The following GBE1 variants were observed in gnomAD, a reference collection of about 807,000 sequenced individuals.
GBE1 encodes 1,4-alpha-glucan-branching enzyme.
GBE1 carries 70 observed loss-of-function variants against 88.8 expected under a neutral mutation model. The observed-to-expected ratio is 0.79, with a 90% CI of 0.65 to 0.96. The LOEUF is 0.96. Ranked by LOEUF, GBE1 falls within the 40% of genes least tolerant of loss-of-function variation. GBE1 has a pLI of 0.00. For missense variants in GBE1, 872 were observed against 871.0 expected (o/e 1.00, Z -0.01); for synonymous variants, 284 against 300.1 (o/e 0.95, Z 0.56).
At chr3:81,699,010 C>A (rs1379275515) in intron 2 of GBE1, among the ~76,000 whole-genome samples, 5 of 151,290 alleles carry the variant, frequency 3.3e-5, no homozygotes, top group African/African-American at 7.2e-5. Flanking sequence ...GGTTCACATA[C>A]GTCAAAGAGG....
At chr3:81,513,903 A>G (rs1441974272) in intron 14 of GBE1, among the ~76,000 whole-genome samples, 3 of 151,650 alleles carry the variant, frequency 2.0e-5, no homozygotes, top group Non-Finnish European at 4.4e-5. Context: ...TGGAACTTGA[A>G]CCTCAGATAG....
At chr3:81,678,346 A>T (rs371585610) in intron 2 of GBE1, among the ~76,000 whole-genome samples, 1 of 152,288 alleles carries the variant, frequency 6.6e-6, no homozygotes, top group African/African-American at 2.4e-5. Flanking sequence ...GCAGCATATG[A>T]CTAAGACCTA....
intron 1 of GBE1, among the ~76,000 whole-genome samples, chr3:81,750,617 GTATA>G (rs1425084890): frequency 2.4e-5 from 1 of 42,138 alleles, no homozygotes; most frequent in Non-Finnish European, 3.9e-5. Context: ...ATATATATAT[GTATA>G]TATATATACG....
chr3:81,750,659 G>GTGTATATA (rs61309629), intron 1 of GBE1, among the ~76,000 whole-genome samples: 1 of 35,306 alleles, frequency 2.8e-5, no homozygotes, highest in African/African-American at 2.2e-4. Context: ...ATATATATAT[G>GTGTATATA]TATATATATA....
intron 3 of GBE1, among the ~76,000 whole-genome samples, chr3:81,654,175 T>C (rs1300714559): frequency 1.3e-5 from 2 of 152,146 alleles, no homozygotes; most frequent in Non-Finnish European, 2.9e-5. Context: ...CATTATTAGA[T>C]TACATAAATA....
chr3:81,761,259 C>T, intron 1 of GBE1, 116 bp downstream of exon 1: 2 of 1,364,820 alleles, frequency 1.5e-6, no homozygotes, highest in Non-Finnish European at 2.0e-6. Flanking sequence ...CACTCAGGTT[C>T]CTCCCCGCCT....
In GBE1 at chr3:81,722,766, C is replaced by A. The variant is rs1023218459; in HGVS notation, c.144-17153G>T. On this transcript the variant is annotated intron_variant, in intron 1 of 15. Coordinates refer to ENST00000429644, the MANE Select transcript of GBE1 (RefSeq NM_000158.4). ...TCTGCTGAAATGGAATGTATGAGAC[C>A]CTTCAAGGCTTCGATGGCTCTGTCT... 4.0e-5 allele frequency among the ~76,000 whole-genome samples: 6 copies of A among 151,534 alleles called. No homozygotes were observed. In the East Asian group the frequency reaches 1.2e-3, roughly 30 times the overall value.
At chr3:81,551,060 C>T (rs1312072609) in intron 12 of GBE1, among the ~76,000 whole-genome samples, 1 of 152,180 alleles carries the variant, frequency 6.6e-6, no homozygotes, top group Non-Finnish European at 1.5e-5. Context: ...GCTTTGGTCT[C>T]CACGTTCTCT....
At chr3:81,697,890 G>A (rs909029935) in intron 2 of GBE1, among the ~76,000 whole-genome samples, 3 of 151,632 alleles carry the variant, frequency 2.0e-5, no homozygotes, top group African/African-American at 7.3e-5. Flanking sequence ...ACTGTAACAA[G>A]GGACATGGGA....
rs77881272 is a variant in GBE1, at chr3:81,531,363, T to G, written c.1934+3832A>C. On this transcript the variant is annotated intron_variant, in intron 14 of 15. Coordinates refer to ENST00000429644, the MANE Select transcript of GBE1 (RefSeq NM_000158.4). ...CCCAAGTTGCAAGATAAAGCCCTTT[T>G]CACTCTTCCCTCTCCTTTCCTCAGG... Among the ~76,000 whole-genome samples the G allele has an allele frequency of 4.3e-3, 653 of 151,846 alleles. 6 individuals are homozygous for G. The highest frequency in any genetic ancestry group is 0.014 in the African/African-American group (595 of 41,416).
chr3:81,738,880 A>G (rs555027521), intron 1 of GBE1, among the ~76,000 whole-genome samples: 2 of 152,280 alleles, frequency 1.3e-5, no homozygotes, highest in South Asian at 4.1e-4. Context: ...TGCTATAACA[A>G]AATACCTTAG....
chr3:81,754,268 A>G (rs949048261), intron 1 of GBE1, among the ~76,000 whole-genome samples: 1 of 152,130 alleles, frequency 6.6e-6, no homozygotes, highest in Non-Finnish European at 1.5e-5. Context: ...TGAAAGATCT[A>G]TACAAGGAAA....
intron 2 of GBE1, among the ~76,000 whole-genome samples, chr3:81,694,500 A>C (rs1479772936): frequency 6.6e-6 from 1 of 152,158 alleles, no homozygotes; most frequent in Non-Finnish European, 1.5e-5. Flanking sequence ...AGAATTCTCC[A>C]GCTCCCCGCC....
intron 7 of GBE1, among the ~76,000 whole-genome samples, chr3:81,638,707 T>C (rs371555291): frequency 4.6e-5 from 7 of 152,228 alleles, no homozygotes; most frequent in African/African-American, 7.2e-5. Context: ...CAGCTCCTGA[T>C]TGGAAATTTA....
intron 14 of GBE1, among the ~76,000 whole-genome samples, chr3:81,515,484 T>G (rs1300785026): frequency 6.6e-6 from 1 of 151,512 alleles, no homozygotes; most frequent in Non-Finnish European, 1.5e-5. Context: ...TTCCCTTGTC[T>G]CTTCCCCTTT....
chr3:81,761,270 G>C, intron 1 of GBE1, 105 bp downstream of exon 1: 2 of 1,418,882 alleles, frequency 1.4e-6, no homozygotes, highest in South Asian at 1.4e-5. Flanking sequence ...CTCCCCGCCT[G>C]GGGCGGGGTT....
Position 81,577,789 on chromosome 3 carries a change from C to T in GBE1, c.1618+136G>A, listed in dbSNP as rs551886901. On this transcript the variant is annotated intron_variant, in intron 12 of 15. Transcript: ENST00000429644. ...TTTAATTTTATTCTTGCAATTTACA[C>T]GACAGTATATGAAATAAATAGTTGT... The T allele has an allele frequency of 1.8e-4, 115 of 638,574 alleles. No homozygotes were observed. The highest frequency in any genetic ancestry group is 2.3e-4 in the Non-Finnish European group (91 of 396,958). 39.6% of individuals were successfully genotyped at this position (638,574 alleles called of 1,614,324 possible).
intron 2 of GBE1, among the ~76,000 whole-genome samples, chr3:81,703,275 T>C (rs1167479736): frequency 6.6e-6 from 1 of 151,988 alleles, no homozygotes. Context: ...CTTAAGTGAG[T>C]AGTCTCTTAT....
chr3:81,496,608 T>C (rs959502845), intron 15 of GBE1, among the ~76,000 whole-genome samples: 4 of 152,166 alleles, frequency 2.6e-5, no homozygotes, highest in Admixed American at 6.6e-5. Flanking sequence ...ACAGCACTTA[T>C]GATCATGTTC....
Sources: gnomAD v4.1 joint callset for allele counts (sites outside exome capture counted in the v4.1 genomes callset) on GRCh38, gnomAD v4.1.1 for gene constraint, MANE v1.5 for transcripts, NCBI Gene and HGNC (gene_info 2026-07-23, HGNC 2026-07-21) for gene names.